Variants in GPM6A observed in about 807,000 individuals in gnomAD.
GPM6A encodes neuronal membrane glycoprotein M6-a.
In GPM6A, 7 loss-of-function variants were observed where a neutral mutation model predicts 32.1. The ratio of observed to expected loss-of-function variants is 0.22; its 90% CI spans 0.12 to 0.41. The LOEUF (loss-of-function observed/expected upper bound fraction) is 0.41. GPM6A is among the 10% of genes least tolerant of loss of function. The pLI is 1.00. For synonymous variants in GPM6A, 130 were observed against 123.4 expected, an observed-to-expected ratio of 1.05 and a Z score of -0.35; for missense variants, 235 against 347.2, an observed-to-expected ratio of 0.68 and a Z score of 2.57.
intron 2 of GPM6A, among the ~76,000 whole-genome samples, chr4:175,699,836 C>A (rs1461826285): frequency 6.6e-6 from 1 of 152,106 alleles, no homozygotes; most frequent in Admixed American, 6.6e-5. Context: ...ACCCACCCCC[C>A]AAAACAGAGC....
intron 3 of GPM6A, among the ~76,000 whole-genome samples, chr4:175,672,549 T>A (rs776511273): frequency 1.3e-5 from 2 of 152,216 alleles, no homozygotes; most frequent in Non-Finnish European, 2.9e-5. Flanking sequence ...ATTAGTCATA[T>A]TTTATTTTTT....
chr4:175,943,283 G>T (rs1739476062), intron 1 of GPM6A, among the ~76,000 whole-genome samples: 1 of 152,178 alleles, frequency 6.6e-6, no homozygotes, highest in Non-Finnish European at 1.5e-5. Context: ...GATTTGGGCT[G>T]AGACAATGGG....
chr4:175,838,737 C>T (rs145027810), intron 1 of GPM6A, among the ~76,000 whole-genome samples: 7 of 145,168 alleles, frequency 4.8e-5, no homozygotes, highest in Non-Finnish European at 7.5e-5. Flanking sequence ...TCACCAGAAC[C>T]TTTACCTCCT....
intron 1 of GPM6A, among the ~76,000 whole-genome samples, chr4:175,717,175 T>A (rs1745884144): frequency 6.6e-6 from 1 of 152,126 alleles, no homozygotes; most frequent in South Asian, 2.1e-4. Flanking sequence ...ACCTTTCAAT[T>A]CGTTGCAAAC....
chr4:175,666,199 C>T (rs1394375829), intron 3 of GPM6A, among the ~76,000 whole-genome samples: 1 of 152,054 alleles, frequency 6.6e-6, no homozygotes, highest in Non-Finnish European at 1.5e-5. Context: ...GGATTACATG[C>T]GTGAGCCACT....
chr4:175,927,766 T>C (rs147740819), intron 1 of GPM6A, among the ~76,000 whole-genome samples: 3,522 of 152,206 alleles, frequency 0.023, 72 homozygotes, highest in African/African-American at 0.046. Context: ...ACGCCTGTAA[T>C]CCCAGCTACT....
chr4:175,764,846 C>CATT (rs56700410), intron 1 of GPM6A, among the ~76,000 whole-genome samples: 41,978 of 140,306 alleles, frequency 0.3, 6,313 homozygotes, highest in Non-Finnish European at 0.34. Context: ...AACCCAAAGG[C>CATT]ATTATTATTA....
At chr4:175,999,034 T>C (rs1741397532) in intron 1 of GPM6A, among the ~76,000 whole-genome samples, 1 of 152,208 alleles carries the variant, frequency 6.6e-6, no homozygotes, top group Admixed American at 6.5e-5. Context: ...CTAGAACCAC[T>C]TCCTTTCCAA....
chr4:175,938,737 C>CAAAAAAAAAAAAAAA (rs3034711), intron 1 of GPM6A, among the ~76,000 whole-genome samples: 1 of 134,096 alleles, frequency 7.5e-6, no homozygotes. Context: ...AAAGTAAAAC[C>CAAAAAAAAAAAAAAA]AAAAAAAAAA....
At chr4:175,641,625 A>C (rs1434411924) in intron 4 of GPM6A, 1 of 152,170 alleles carries the variant, frequency 6.6e-6, no homozygotes, top group Non-Finnish European at 1.5e-5. Context: ...AGGACATTCT[A>C]ATACCTAAGA....
chr4:175,903,655 T>G (rs1375191688), intron 1 of GPM6A, among the ~76,000 whole-genome samples: 1 of 152,148 alleles, frequency 6.6e-6, no homozygotes, highest in African/African-American at 2.4e-5. Context: ...AAAGCAAAAC[T>G]GGAATTTAAT....
At chr4:175,829,531 T>C (rs1033335014) in intron 1 of GPM6A, among the ~76,000 whole-genome samples, 38 of 151,720 alleles carry the variant, frequency 2.5e-4, no homozygotes, top group Non-Finnish European at 4.3e-4. Context: ...AACGTGTTTT[T>C]CTCACTATTT....
rs578262229 is a variant in GPM6A at position 175,947,322 on chromosome 4, G to A, written c.-23+54987C>T. ...GTGATTTCCACAGCAACCACTAGAG[G>A]GAAAACTTCGACTGAAGAAAGTCAT... is the stretch of plus-strand genomic sequence containing the variant. On this transcript the variant is annotated intron_variant, in intron 1 of 7. Transcript: ENST00000280187. Among the ~76,000 whole-genome samples the A allele has an allele frequency of 3.3e-5, 5 of 151,786 alleles. No homozygotes were observed. In the East Asian group the frequency reaches 7.7e-4, roughly 23 times the overall value.
chr4:175,672,498 C>T (rs1306784682), intron 3 of GPM6A, among the ~76,000 whole-genome samples: 2 of 152,184 alleles, frequency 1.3e-5, no homozygotes, highest in Non-Finnish European at 2.9e-5. Context: ...TGCCTTTTTA[C>T]TGGAGAAATT....
intron 2 of GPM6A, among the ~76,000 whole-genome samples, chr4:175,700,572 T>C: frequency 6.6e-6 from 1 of 152,334 alleles, no homozygotes; most frequent in African/African-American, 2.4e-5. Context: ...CACTCAGATT[T>C]GTAAATCTAA....
At position 175,832,767 on chromosome 4, in the gene GPM6A, G is replaced by C. The variant is rs554316244; in HGVS notation, c.-22-20518C>G. On this transcript the variant is annotated intron_variant, in intron 1 of 7. Transcript: ENST00000280187. Reference sequence around the variant, plus strand: ...ATATTGATCTGTTATATTATTGAAGGCTCTTTTAATGCAAGAGAAAGAAAA... The same window carrying C: ...ATATTGATCTGTTATATTATTGAAGCCTCTTTTAATGCAAGAGAAAGAAAA... Among the ~76,000 whole-genome samples the C allele has an allele frequency of 3.3e-5, 5 of 152,214 alleles. No homozygotes were observed. In the South Asian group the frequency reaches 6.2e-4, roughly 19 times the overall value.
intron 4 of GPM6A, among the ~76,000 whole-genome samples, chr4:175,648,389 A>C (rs2110909045): frequency 6.6e-6 from 1 of 152,304 alleles, no homozygotes; most frequent in South Asian, 2.1e-4. Context: ...CAGAATTGTC[A>C]GGGAGAGGCA....
chr4:175,750,241 A>C (rs901980359), intron 1 of GPM6A, among the ~76,000 whole-genome samples: 1 of 151,962 alleles, frequency 6.6e-6, no homozygotes, highest in African/African-American at 2.4e-5. Flanking sequence ...TATTTTTATT[A>C]GAGATGGGGT....
chr4:175,836,592 T>C (rs368446069), intron 1 of GPM6A, among the ~76,000 whole-genome samples: 4 of 152,108 alleles, frequency 2.6e-5, no homozygotes, highest in African/African-American at 7.2e-5. Flanking sequence ...AATGAGAACA[T>C]GAATTTAAGT....
Sources: gnomAD v4.1 joint callset for allele counts (sites outside exome capture counted in the v4.1 genomes callset) on GRCh38, gnomAD v4.1.1 for gene constraint, MANE v1.5 for transcripts, NCBI Gene and HGNC (gene_info 2026-07-23, HGNC 2026-07-21) for gene names.